Variants in PRDM10 observed in about 807,000 individuals in gnomAD.
The protein encoded by PRDM10 is PR/SET domain 10, also known as PR domain zinc finger protein 10.
Under a neutral mutation model 133.1 loss-of-function variants are expected in PRDM10, and 65 were observed. The observed-to-expected ratio is 0.49, with a 90% CI of 0.40 to 0.60. PRDM10 has a LOEUF of 0.60. Among genes scored for constraint, PRDM10 ranks in the 20% least tolerant of loss-of-function variants. The pLI is 0.00. For missense variants in PRDM10, 1,137 were observed against 1,507.1 expected, an observed-to-expected ratio of 0.75 and a Z score of 4.07; for synonymous variants, 582 against 580.4, an observed-to-expected ratio of 1.00 and a Z score of -0.04.
At chr11:129,983,620 CA>C (rs1176489160) in intron 1 of PRDM10, among the ~76,000 whole-genome samples, 1 of 152,084 alleles carries the variant, frequency 6.6e-6, no homozygotes, top group African/African-American at 2.4e-5. Context: ...TTTATTTTGA[CA>C]AAATATTACA....
intron 15 of PRDM10, among the ~76,000 whole-genome samples, chr11:129,916,308 T>C (rs974067436): frequency 6.6e-6 from 1 of 152,240 alleles, no homozygotes; most frequent in Non-Finnish European, 1.5e-5. Context: ...GGGGAATCTA[T>C]GTTAAAAAAT....
intron 10 of PRDM10, 114 bp downstream of exon 10, chr11:129,931,988 C>A: frequency 5.4e-6 from 7 of 1,294,588 alleles, no homozygotes; most frequent in Non-Finnish European, 7.4e-6. Context: ...GCAGCAAGGT[C>A]TGATAGGAAA....
intron 1 of PRDM10, among the ~76,000 whole-genome samples, chr11:129,983,198 G>A (rs541608526): frequency 2.2e-4 from 34 of 151,642 alleles, no homozygotes; most frequent in East Asian, 1.8e-3. Flanking sequence ...GACTGGTCTC[G>A]AACTTCTGAT....
intron 1 of PRDM10, among the ~76,000 whole-genome samples, chr11:129,996,326 G>A (rs1326909791): frequency 6.6e-6 from 1 of 152,212 alleles, no homozygotes; most frequent in Non-Finnish European, 1.5e-5. Context: ...AGGGGATGGC[G>A]AGCCACAGCC....
At chr11:129,973,188 G>A (rs1937610073) in intron 1 of PRDM10, among the ~76,000 whole-genome samples, 1 of 152,194 alleles carries the variant, frequency 6.6e-6, no homozygotes, top group Non-Finnish European at 1.5e-5. Context: ...GCAGAGTAGT[G>A]AAGGAGAAAA....
intron 11 of PRDM10, among the ~76,000 whole-genome samples, chr11:129,927,769 G>A (rs1296179771): frequency 6.6e-6 from 1 of 152,074 alleles, no homozygotes; most frequent in Non-Finnish European, 1.5e-5. Context: ...ATATTACAAG[G>A]TCGTAAAAAT....
intron 2 of PRDM10, among the ~76,000 whole-genome samples, chr11:129,959,899 T>A (rs916732210): frequency 2.0e-4 from 30 of 151,682 alleles, no homozygotes; most frequent in Non-Finnish European, 3.4e-4. Flanking sequence ...ACTATAGGCA[T>A]GCACCACCAT....
Position 129,925,052 on chromosome 11 carries a change from A to T in PRDM10, c.1708T>A (p.Ser570Thr), listed in dbSNP as rs1950634152. The T allele has an allele frequency of 6.2e-7, 1 of 1,614,074 alleles. No homozygotes were observed. The highest frequency in any genetic ancestry group is 8.5e-7 in the Non-Finnish European group (1 of 1,180,040). ...TGGAGCTTCATGTGGCTCTCCAAGG[A>T]TGTGCTGCTGATGAAGCCCTTGTTA... ...LCNKGFISST[S>T]LESHMKLHSD... Residue 570 changes from serine (S) to threonine (T), a missense_variant, in exon 12 of 21, where the codon TCC (serine) becomes ACC (threonine). Ser to Thr is a moderately conservative substitution (Grantham distance 58). Transcript: ENST00000360871.
intron 1 of PRDM10, among the ~76,000 whole-genome samples, chr11:129,965,198 GC>G (rs893011989): frequency 1.3e-5 from 2 of 151,732 alleles, no homozygotes; most frequent in African/African-American, 4.8e-5. Flanking sequence ...CCCAGATCGT[GC>G]CACTGCACTC....
chr11:129,970,372 G>A (rs949860385), intron 1 of PRDM10, among the ~76,000 whole-genome samples: 1 of 152,164 alleles, frequency 6.6e-6, no homozygotes, highest in Non-Finnish European at 1.5e-5. Context: ...CTGGGTAACA[G>A]AGCTAGGAAG....
intron 1 of PRDM10, among the ~76,000 whole-genome samples, chr11:129,972,164 A>G (rs1411902821): frequency 1.3e-5 from 2 of 151,844 alleles, no homozygotes; most frequent in Admixed American, 6.6e-5. Context: ...GCTGGCCCGC[A>G]AGCGCCGCGC....
chr11:129,931,359 T>A, intron 10 of PRDM10, 101 bp from the exon 11 acceptor site: 2 of 1,422,468 alleles, frequency 1.4e-6, no homozygotes, highest in Admixed American at 4.8e-5. Context: ...TTCATAATAC[T>A]CAGAAAAAAT....
intron 1 of PRDM10, among the ~76,000 whole-genome samples, chr11:129,968,568 A>G (rs1951952073): frequency 6.6e-6 from 1 of 151,916 alleles, no homozygotes; most frequent in East Asian, 1.9e-4. Context: ...TCTCTCTCTG[A>G]TATTACCCTG....
intron 1 of PRDM10, among the ~76,000 whole-genome samples, chr11:129,976,997 G>T (rs1937794819): frequency 6.6e-6 from 1 of 152,022 alleles, no homozygotes; most frequent in African/African-American, 2.4e-5. Context: ...GCCTGGCAAG[G>T]TTCGTTCCAA....
intron 1 of PRDM10, among the ~76,000 whole-genome samples, chr11:129,970,117 A>C (rs1425352519): frequency 6.6e-6 from 1 of 152,212 alleles, no homozygotes; most frequent in Non-Finnish European, 1.5e-5. Flanking sequence ...GACCCTGAAG[A>C]CATAGCACCA....
chr11:129,988,911 G>A lies in PRDM10; in HGVS notation c.-119+13811C>T, dbSNP rs1484407563. Among the ~76,000 whole-genome samples the A allele has an allele frequency of 5.3e-5, 8 of 152,316 alleles. No homozygotes were observed. In the East Asian group the frequency reaches 1.5e-3, roughly 29 times the overall value. On this transcript the variant is annotated intron_variant, in intron 1 of 20. Coordinates refer to ENST00000360871, the MANE Select transcript of PRDM10 (RefSeq NM_199437.2). ...CCCAAAGTGCTGGGATTACAGGCGT[G>A]AGCCACTGCGCCCGGCCAAGTCAAT...
In PRDM10 at chr11:129,924,918, G is replaced by A; in HGVS notation, c.1842C>T (p.Cys614=). 4 of 1,612,576 alleles carry A rather than the reference G, an allele frequency of 2.5e-6. No individual in the cohort carries two copies. Among genetic ancestry groups the A allele is most frequent in the Non-Finnish European group, 3.4e-6 (4 of 1,179,298 alleles). The stretch of plus-strand genomic sequence containing the variant: ...CTGGGAACCGTTTCTTACAAGTTGG[G>A]CAGGTGAAGTAGCCATCATTGATAT... ...AIHINDGYFT[C]PTCKKRFPDF... is the part of the protein sequence containing the mutation. Residue 614 remains cysteine, a synonymous_variant, in exon 12 of 21, where the codon TGC becomes TGT. Coordinates refer to ENST00000360871, the MANE Select transcript of PRDM10 (RefSeq NM_199437.2).
intron 19 of PRDM10, 145 bp downstream of exon 19, chr11:129,910,331 A>G: frequency 8.3e-7 from 1 of 1,205,960 alleles, no homozygotes; most frequent in Non-Finnish European, 1.1e-6. Context: ...GAGTTTTGTC[A>G]TGAAACCCAT....
At chr11:129,994,016 T>G (rs1320750909) in intron 1 of PRDM10, among the ~76,000 whole-genome samples, 2 of 152,196 alleles carry the variant, frequency 1.3e-5, no homozygotes, top group Non-Finnish European at 2.9e-5. Context: ...TTCATTTATT[T>G]AGGTTTTATT....
Sources: gnomAD v4.1 joint callset for allele counts (sites outside exome capture counted in the v4.1 genomes callset) on GRCh38, gnomAD v4.1.1 for gene constraint, MANE v1.5 for transcripts, NCBI Gene and HGNC (gene_info 2026-07-23, HGNC 2026-07-21) for gene names.